The following SBF2 variants were observed in gnomAD, a reference collection of about 807,000 sequenced individuals.
SBF2 encodes the protein myotubularin-related protein 13.
In SBF2, 112 loss-of-function variants were observed where a neutral mutation model predicts 225.2. The ratio of observed to expected loss-of-function variants is 0.50; its 90% CI spans 0.43 to 0.58. SBF2 has a LOEUF of 0.58. SBF2 is among the 20% of genes least tolerant of loss of function. The pLI is 0.00. For synonymous variants in SBF2, 763 were observed against 773.3 expected, an observed-to-expected ratio of 0.99 and a Z score of 0.22; for missense variants, 1,996 against 2,206.2, an observed-to-expected ratio of 0.90 and a Z score of 1.91.
At chr11:10,053,755 GAAA>G (rs776284653) in intron 2 of SBF2, among the ~76,000 whole-genome samples, 3 of 136,794 alleles carry the variant, frequency 2.2e-5, no homozygotes, top group Non-Finnish European at 1.6e-5. Flanking sequence ...CCTTGTCTCG[GAAA>G]AAAAAAAAAA....
intron 28 of SBF2, among the ~76,000 whole-genome samples, chr11:9,820,504 A>G (rs1419766095): frequency 6.6e-6 from 1 of 152,230 alleles, no homozygotes. Flanking sequence ...AATATGGGAC[A>G]CTAAGATGAT....
intron 13 of SBF2, among the ~76,000 whole-genome samples, chr11:9,987,725 C>T (rs140792373): frequency 1.3e-5 from 2 of 151,968 alleles, no homozygotes; most frequent in East Asian, 1.9e-4. Flanking sequence ...GTCCAAAGAC[C>T]GCTACATGGA....
Position 10,289,513 on chromosome 11 carries a change from A to C in SBF2, c.55+4502T>G, listed in dbSNP as rs143158463. On this transcript the variant is annotated intron_variant, in intron 1 of 39. Coordinates refer to ENST00000256190, the MANE Select transcript of SBF2 (RefSeq NM_030962.4). ...GGCCAGTATCTAGGGCAGAGGTAAC[A>C]TCTCTACGAGCTCCCCCTCACCCAG... is the stretch of plus-strand genomic sequence containing the variant. 8.4e-3 allele frequency among the ~76,000 whole-genome samples: 1,282 copies of C among 152,124 alleles called. 8 individuals carry two copies. Among genetic ancestry groups the C allele is most frequent in the South Asian group, 0.021 (102 of 4,822 alleles).
chr11:9,940,437 C>G (rs1292019212), intron 16 of SBF2, among the ~76,000 whole-genome samples: 2 of 152,020 alleles, frequency 1.3e-5, no homozygotes, highest in Non-Finnish European at 2.9e-5. Flanking sequence ...ACATACTATG[C>G]TAAAAGATAG....
chr11:9,975,709 T>G (rs1218744112), intron 13 of SBF2, among the ~76,000 whole-genome samples: 1 of 152,224 alleles, frequency 6.6e-6, no homozygotes, highest in Admixed American at 6.5e-5. Flanking sequence ...TTGAAGCCTA[T>G]GCTTTGCGGG....
intron 33 of SBF2, 135 bp downstream of exon 33, chr11:9,795,696 C>T: frequency 9.1e-7 from 1 of 1,095,390 alleles, no homozygotes. Flanking sequence ...CACTTATCCA[C>T]TCCTCTACAT....
intron 17 of SBF2, among the ~76,000 whole-genome samples, chr11:9,883,839 A>G (rs978219905): frequency 2.0e-5 from 3 of 152,098 alleles, no homozygotes; most frequent in Non-Finnish European, 4.4e-5. Context: ...TACAGACCTG[A>G]AAAAAAGGGG....
At chr11:9,784,997 T>C in intron 37 of SBF2, 128 bp downstream of exon 37, 2 of 855,246 alleles carry the variant, frequency 2.3e-6, no homozygotes, top group Non-Finnish European at 1.9e-6. Context: ...TTACAAAAAT[T>C]AAAGCAAATC....
At chr11:10,004,704 T>C (rs1245027002) in intron 6 of SBF2, among the ~76,000 whole-genome samples, 2 of 151,004 alleles carry the variant, frequency 1.3e-5, no homozygotes, top group South Asian at 2.1e-4. Flanking sequence ...GTGAGACAAA[T>C]GCATATCTGA....
intron 17 of SBF2, 50 bp downstream of exon 17, chr11:9,895,893 T>C: frequency 2.3e-6 from 3 of 1,327,986 alleles, no homozygotes; most frequent in Non-Finnish European, 3.3e-6. Context: ...TCAAACTGAA[T>C]ACATTTATGT....
At chr11:9,909,347 A>G (rs1443096779) in intron 16 of SBF2, among the ~76,000 whole-genome samples, 1 of 151,662 alleles carries the variant, frequency 6.6e-6, no homozygotes, top group Non-Finnish European at 1.5e-5. Flanking sequence ...CCTTAGAAGG[A>G]AGGTAAAAAA....
At chr11:10,257,905 C>T (rs992410257) in intron 1 of SBF2, among the ~76,000 whole-genome samples, 2 of 150,050 alleles carry the variant, frequency 1.3e-5, no homozygotes, top group Non-Finnish European at 1.5e-5. Context: ...TGCAGTGAAA[C>T]GAGATCGCGC....
chr11:9,950,042 G>T (rs894696354), intron 16 of SBF2, among the ~76,000 whole-genome samples: 1 of 151,880 alleles, frequency 6.6e-6, no homozygotes, highest in Non-Finnish European at 1.5e-5. Flanking sequence ...GCATAATGCT[G>T]ATAAAAATAA....
rs537643875 is a variant in SBF2, at chr11:10,200,411, G to A, written c.56-6424C>T. ...GGTCTGAATAACATAGTGTAGAGAA[G>A]AAAACTATTATTGTTCTAGACAATT... is the stretch of plus-strand genomic sequence containing the variant. On this transcript the variant is annotated intron_variant, in intron 1 of 39. Transcript: ENST00000256190. Among the ~76,000 whole-genome samples the A allele has an allele frequency of 9.2e-5, 14 of 152,208 alleles. No homozygotes were observed. In the South Asian group the frequency reaches 2.1e-3, roughly 23 times the overall value.
At chr11:9,983,263 C>T (rs1947038487) in intron 13 of SBF2, among the ~76,000 whole-genome samples, 1 of 152,094 alleles carries the variant, frequency 6.6e-6, no homozygotes, top group South Asian at 2.1e-4. Flanking sequence ...AGAAACTGGC[C>T]CTTCTGTTTG....
At chr11:9,989,235 C>T (rs948968547) in intron 13 of SBF2, among the ~76,000 whole-genome samples, 2 of 152,014 alleles carry the variant, frequency 1.3e-5, no homozygotes, top group Non-Finnish European at 2.9e-5. Flanking sequence ...TACGTGGGAG[C>T]TAAGCTATGA....
intron 28 of SBF2, among the ~76,000 whole-genome samples, chr11:9,822,386 G>A (rs1047746069): frequency 1.3e-5 from 2 of 149,432 alleles, no homozygotes; most frequent in African/African-American, 2.5e-5. Flanking sequence ...TCAGCCTCCC[G>A]CATAGCTGGG....
intron 16 of SBF2, chr11:9,915,605 G>A (rs1428438067): frequency 6.6e-6 from 1 of 151,020 alleles, no homozygotes; most frequent in East Asian, 1.9e-4. Context: ...TTTTCTTTCA[G>A]AAAAAAAATT....
chr11:10,222,045 G>A (rs1344210530), intron 1 of SBF2, among the ~76,000 whole-genome samples: 2 of 152,112 alleles, frequency 1.3e-5, no homozygotes, highest in African/African-American at 2.4e-5. Flanking sequence ...AACCAAACAC[G>A]CAAAGGACAG....
Sources: gnomAD v4.1 joint callset for allele counts (sites outside exome capture counted in the v4.1 genomes callset) on GRCh38, gnomAD v4.1.1 for gene constraint, MANE v1.5 for transcripts, NCBI Gene and HGNC (gene_info 2026-07-23, HGNC 2026-07-21) for gene names.